The following BAZ2B variants were observed in gnomAD, a reference collection of about 807,000 sequenced individuals.
BAZ2B encodes the protein bromodomain adjacent to zinc finger domain protein 2B.
BAZ2B carries 91 observed loss-of-function variants against 246.0 expected under a neutral mutation model. The observed-to-expected ratio is 0.37, with a 90% CI of 0.31 to 0.44. The LOEUF is 0.44. Among genes scored for constraint, BAZ2B ranks in the 20% least tolerant of loss-of-function variants. The pLI is 1.00. For missense variants in BAZ2B, 2,332 were observed against 2,533.7 expected (o/e 0.92, Z 1.71); for synonymous variants, 855 against 860.0 (o/e 0.99, Z 0.10).
intron 4 of BAZ2B, among the ~76,000 whole-genome samples, chr2:159,451,072 C>T (rs17495453): frequency 0.31 from 47,494 of 151,970 alleles, 9,277 homozygotes; most frequent in Non-Finnish European, 0.46. Context: ...TTTCAGAGGA[C>T]ATAACAGATC....
chr2:159,370,319 TA>T (rs1023332731), intron 27 of BAZ2B, among the ~76,000 whole-genome samples: 1 of 113,330 alleles, frequency 8.8e-6, no homozygotes, highest in Admixed American at 8.5e-5. Flanking sequence ...TAAAGTATAA[TA>T]AAAATATATA....
intron 1 of BAZ2B, among the ~76,000 whole-genome samples, chr2:159,590,039 T>C (rs1347894763): frequency 6.6e-6 from 1 of 151,176 alleles, no homozygotes; most frequent in African/African-American, 2.4e-5. Flanking sequence ...ATACAAAAAT[T>C]AGCCAGCCAT....
At chr2:159,452,661 A>G (rs2075245674) in intron 4 of BAZ2B, among the ~76,000 whole-genome samples, 1 of 152,240 alleles carries the variant, frequency 6.6e-6, no homozygotes, top group Non-Finnish European at 1.5e-5. Flanking sequence ...TTTCAAGATA[A>G]TATAACAAAT....
chr2:159,455,002 G>A (rs2150494431), intron 3 of BAZ2B, among the ~76,000 whole-genome samples: 1 of 152,120 alleles, frequency 6.6e-6, no homozygotes, highest in East Asian at 1.9e-4. Context: ...AAATAATTAA[G>A]GTACCCTGTC....
chr2:159,382,795 T>A lies in BAZ2B; in HGVS notation c.3769A>T (p.Ile1257Phe), dbSNP rs762875256. ...TTGCCTGTTTTCTTAGCATGAATGA[T>A]TCTGAGCCTTTAAATATTATGAAAA... is the stretch of plus-strand genomic sequence containing the variant. ...VVEGKLRKLR[I>F]IHAKKTGKRD... The change falls in exon 25 of 37, where the codon ATC (isoleucine) becomes TTC (phenylalanine). Residue 1257 changes from isoleucine to phenylalanine, a missense_variant. This residue lies in a region of BAZ2B where 328 missense variants were observed against 410.4 expected (regional missense o/e 0.80). Coordinates refer to ENST00000392783, the MANE Select transcript of BAZ2B (RefSeq NM_013450.4). 29 of 1,612,120 alleles carry A rather than the reference T, an allele frequency of 1.8e-5. No individual in the cohort carries two copies. Among genetic ancestry groups the A allele is most frequent in the Non-Finnish European group, 2.5e-5 (29 of 1,179,040 alleles).
At chr2:159,666,257 C>CTTT in the BAZ2B span, among the ~76,000 whole-genome samples, 4 of 94,214 alleles carry the variant, frequency 4.2e-5, no homozygotes, top group Non-Finnish European at 6.4e-5. Flanking sequence ...TTTTATGATT[C>CTTT]TTTTTTTTTT....
At chr2:159,488,510 C>G (rs2080091240) in intron 2 of BAZ2B, among the ~76,000 whole-genome samples, 2 of 151,940 alleles carry the variant, frequency 1.3e-5, no homozygotes, top group African/African-American at 2.4e-5. Context: ...GCCATGTACC[C>G]ACAACATTTG....
intron 24 of BAZ2B, 43 bp from the exon 25 acceptor site, chr2:159,382,845 C>T (rs1306122575): frequency 1.3e-6 from 2 of 1,586,546 alleles, no homozygotes; most frequent in Admixed American, 1.8e-5. Flanking sequence ...AAAAAGACTT[C>T]TCAATATACT....
chr2:159,374,596 T>C lies in BAZ2B; in HGVS notation c.4068+95A>G, dbSNP rs1463782796. On this transcript the variant is annotated intron_variant, in intron 26 of 36. Transcript: ENST00000392783. ...CATTTTTAATTACTCACCAAAAGCC[T>C]ATTTTTGCTTAGCAGTCAGAAAAAC... The C allele has an allele frequency of 1.3e-5, 13 of 1,028,914 alleles. No homozygotes were observed. In the East Asian group the frequency reaches 3.3e-4, roughly 26 times the overall value. The allele number at this position is 1,028,914 out of a possible 1,614,324, so 63.7% of individuals were successfully genotyped here. A position where few individuals can be genotyped will look rare whatever the true frequency, so the allele number is the denominator to read the frequency against.
the BAZ2B span, among the ~76,000 whole-genome samples, chr2:159,708,471 T>C: frequency 5.3e-5 from 8 of 152,298 alleles, no homozygotes; most frequent in African/African-American, 1.7e-4. Context: ...AGATCTAGCC[T>C]GTAAGCTTAG....
chr2:159,685,138 T>A, the BAZ2B span, among the ~76,000 whole-genome samples: 15 of 152,330 alleles, frequency 9.8e-5, no homozygotes, highest in East Asian at 2.9e-3. Flanking sequence ...CATAGGTCTC[T>A]ATGCTTTTCA....
the BAZ2B span, among the ~76,000 whole-genome samples, chr2:159,640,989 C>T: frequency 5.3e-5 from 7 of 133,244 alleles, no homozygotes; most frequent in Non-Finnish European, 1.2e-4. Context: ...AATTGACAAA[C>T]CTTTAGACAA....
chr2:159,439,934 T>C (rs917739271), intron 6 of BAZ2B, among the ~76,000 whole-genome samples: 3 of 151,916 alleles, frequency 2.0e-5, no homozygotes, highest in African/African-American at 4.8e-5. Flanking sequence ...GCAAGAAAAA[T>C]AAAATCCAAA....
intron 13 of BAZ2B, among the ~76,000 whole-genome samples, chr2:159,421,734 A>C (rs2068794622): frequency 6.6e-6 from 1 of 152,232 alleles, no homozygotes; most frequent in Admixed American, 6.5e-5. Flanking sequence ...TGATTAAGCA[A>C]AATATCCACG....
At chr2:159,635,967 G>A in the BAZ2B span, among the ~76,000 whole-genome samples, 1 of 152,092 alleles carries the variant, frequency 6.6e-6, no homozygotes, top group African/African-American at 2.4e-5. Context: ...TGAAGTGGGA[G>A]GATTGCTTAA....
intron 4 of BAZ2B, 65 bp from the exon 5 acceptor site, chr2:159,448,474 GGCTTTCTA>G (rs1410191495): frequency 6.8e-7 from 1 of 1,473,054 alleles, no homozygotes; most frequent in African/African-American, 1.4e-5. Context: ...ACGTCACAAT[GGCTTTCTA>G]TGTTTTATTT....
intron 30 of BAZ2B, 68 bp downstream of exon 30, chr2:159,348,610 A>G (rs2058229917): frequency 2.9e-5 from 43 of 1,501,690 alleles, no homozygotes; most frequent in Non-Finnish European, 3.6e-5. Flanking sequence ...GTACTAAAAT[A>G]TGGTTTAGAA....
At chr2:159,345,465 A>AT (rs1196291260) in intron 31 of BAZ2B, among the ~76,000 whole-genome samples, 2 of 152,202 alleles carry the variant, frequency 1.3e-5, no homozygotes, top group African/African-American at 4.8e-5. Context: ...ATCATTTATG[A>AT]TTTTAAAACA....
chr2:159,427,229 T>A (rs182319201), intron 13 of BAZ2B, among the ~76,000 whole-genome samples: 37 of 152,208 alleles, frequency 2.4e-4, no homozygotes, highest in Admixed American at 2.3e-3. Context: ...AAGGGAATAA[T>A]AAGCACATGC....
Sources: gnomAD v4.1 joint callset for allele counts (sites outside exome capture counted in the v4.1 genomes callset) on GRCh38, gnomAD v4.1.1 for gene constraint, gnomAD v4.1.1 regional missense constraint, MANE v1.5 for transcripts, NCBI Gene and HGNC (gene_info 2026-07-23, HGNC 2026-07-21) for gene names.